Variants in PLCB1 observed in about 807,000 individuals in gnomAD.
PLCB1 encodes phospholipase C beta 1, also known as 1-phosphatidylinositol 4,5-bisphosphate phosphodiesterase beta-1.
Under a neutral mutation model 161.8 loss-of-function variants are expected in PLCB1, and 46 were observed. The observed-to-expected ratio is 0.28, with a 90% CI of 0.22 to 0.36. The LOEUF (loss-of-function observed/expected upper bound fraction) is 0.36, where lower values mean the gene tolerates loss of function less well. Among genes scored for constraint, PLCB1 ranks in the 10% least tolerant of loss-of-function variants. The pLI, the probability that PLCB1 is intolerant of heterozygous loss-of-function variation, is 1.00. For missense variants in PLCB1, 1,016 were observed against 1,472.5 expected (o/e 0.69, Z 5.07); for synonymous variants, 517 against 503.7 (o/e 1.03, Z -0.35).
At position 8,309,087 on chromosome 20, in the gene PLCB1, G is replaced by A. The variant is rs1018402550; in HGVS notation, c.178-62295G>A. ...TCAACTGTTAGCGCTGGGAGGAATA[G>A]TATTTTTCTGACCCATTTTATTTTG... On this transcript the variant is annotated intron_variant, in intron 2 of 31. Transcript: ENST00000338037. Among the ~76,000 whole-genome samples the A allele has an allele frequency of 7.2e-5, 11 of 151,910 alleles. 1 individual carries two copies. In the South Asian group the frequency reaches 1.7e-3, roughly 23 times the overall value.
intron 2 of PLCB1, among the ~76,000 whole-genome samples, chr20:8,172,180 T>C (rs2051739148): frequency 6.6e-6 from 1 of 152,184 alleles, no homozygotes; most frequent in South Asian, 2.1e-4. Flanking sequence ...TTATAGATAA[T>C]ATACAACTAC....
chr20:8,704,349 G>A (rs183858484), intron 11 of PLCB1, among the ~76,000 whole-genome samples: 130 of 144,444 alleles, frequency 9.0e-4, no homozygotes, highest in Middle Eastern at 3.5e-3. Context: ...GCAAGACTTC[G>A]TTTCAAAAAA....
At chr20:8,133,195 A>C (rs996573006) in intron 1 of PLCB1, among the ~76,000 whole-genome samples, 2 of 152,184 alleles carry the variant, frequency 1.3e-5, no homozygotes, top group African/African-American at 4.8e-5. Context: ...CCTGAAGTTC[A>C]AAACACTTTA....
At chr20:8,674,494 T>C (rs76311386) in intron 9 of PLCB1, among the ~76,000 whole-genome samples, 1 of 152,214 alleles carries the variant, frequency 6.6e-6, no homozygotes, top group Admixed American at 6.5e-5. Flanking sequence ...TTTCTGGTCT[T>C]GGTCATTGAC....
At chr20:8,856,111 A>G (rs1223455416) in intron 31 of PLCB1, among the ~76,000 whole-genome samples, 2 of 150,524 alleles carry the variant, frequency 1.3e-5, no homozygotes, top group East Asian at 1.9e-4. Flanking sequence ...CAAGGTAACA[A>G]TGAATCTGAA....
At chr20:8,797,685 C>A (rs1453284121) in intron 31 of PLCB1, among the ~76,000 whole-genome samples, 4 of 152,200 alleles carry the variant, frequency 2.6e-5, no homozygotes, top group African/African-American at 9.7e-5. Flanking sequence ...TGCAGGGAAG[C>A]TTTCCTGTGA....
Position 8,695,761 on chromosome 20 carries a change from T to C in PLCB1, c.1010-1865T>C, listed in dbSNP as rs547366229. On this transcript the variant is annotated intron_variant, in intron 10 of 31. Coordinates refer to ENST00000338037, the MANE Select transcript of PLCB1 (RefSeq NM_015192.4). ...TAGAATATAAATCAAAGAAAATATT[T>C]AATAGGGAAAACCAAAGACTTCAAT... Among the ~76,000 whole-genome samples the C allele has an allele frequency of 1.8e-4, 28 of 152,290 alleles. No homozygotes were observed. The South Asian group carries it at 3.3e-3, about 18-fold the overall frequency.
At chr20:8,583,361 C>T (rs1324380724) in intron 3 of PLCB1, among the ~76,000 whole-genome samples, 1 of 152,030 alleles carries the variant, frequency 6.6e-6, no homozygotes, top group Non-Finnish European at 1.5e-5. Flanking sequence ...TATGTTATTT[C>T]TATTTTATCG....
At chr20:8,233,381 G>A (rs4813854) in intron 2 of PLCB1, among the ~76,000 whole-genome samples, 7,619 of 152,180 alleles carry the variant, frequency 0.05, 233 homozygotes, top group South Asian at 0.08. Context: ...TTTAGTAACA[G>A]TGTACTGTGT....
chr20:8,636,156 ACTT>A (rs1568539556), intron 4 of PLCB1, among the ~76,000 whole-genome samples: 1 of 152,316 alleles, frequency 6.6e-6, no homozygotes, highest in South Asian at 2.1e-4. Flanking sequence ...ACTGTGCATG[ACTT>A]CCTTGCAGGT....
chr20:8,491,644 C>G (rs1386726928), intron 3 of PLCB1, among the ~76,000 whole-genome samples: 1 of 152,110 alleles, frequency 6.6e-6, no homozygotes, highest in Admixed American at 6.5e-5. Flanking sequence ...TCACTGGGAT[C>G]CTGTACAGAT....
At chr20:8,670,307 A>G (rs1175287202) in intron 9 of PLCB1, among the ~76,000 whole-genome samples, 2 of 152,260 alleles carry the variant, frequency 1.3e-5, no homozygotes, top group African/African-American at 2.4e-5. Flanking sequence ...AAACTCACAG[A>G]TGTGAGAATA....
chr20:8,468,296 T>C (rs1436478387), intron 3 of PLCB1, among the ~76,000 whole-genome samples: 1 of 152,176 alleles, frequency 6.6e-6, no homozygotes, highest in Non-Finnish European at 1.5e-5. Context: ...TACGTGTGCA[T>C]TTTACTATAT....
chr20:8,621,451 A>T (rs768331024), intron 3 of PLCB1, among the ~76,000 whole-genome samples: 1 of 152,220 alleles, frequency 6.6e-6, no homozygotes, highest in Non-Finnish European at 1.5e-5. Flanking sequence ...CTAGTTTTCA[A>T]ATTGCTATAG....
intron 10 of PLCB1, among the ~76,000 whole-genome samples, chr20:8,692,695 CT>C (rs1990505293): frequency 6.6e-6 from 1 of 152,102 alleles, no homozygotes; most frequent in Non-Finnish European, 1.5e-5. Context: ...TGGTTTCTGT[CT>C]TTTTGGTCTC....
At chr20:8,443,791 T>C (rs1364326624) in intron 3 of PLCB1, among the ~76,000 whole-genome samples, 1 of 152,200 alleles carries the variant, frequency 6.6e-6, no homozygotes, top group Non-Finnish European at 1.5e-5. Context: ...AGGCAACCTC[T>C]CTTTCATGGT....
At chr20:8,868,408 A>G (rs1185546237) in intron 31 of PLCB1, among the ~76,000 whole-genome samples, 1 of 152,232 alleles carries the variant, frequency 6.6e-6, no homozygotes, top group African/African-American at 2.4e-5. Flanking sequence ...ACCCCTCTTC[A>G]GCATCACTTT....
chr20:8,208,036 T>C (rs907278429), intron 2 of PLCB1, among the ~76,000 whole-genome samples: 1 of 152,176 alleles, frequency 6.6e-6, no homozygotes, highest in Non-Finnish European at 1.5e-5. Flanking sequence ...AATTGGCCTT[T>C]TGCTGGGGGT....
At chr20:8,746,146 C>A (rs1327686033) in intron 23 of PLCB1, among the ~76,000 whole-genome samples, 2 of 152,110 alleles carry the variant, frequency 1.3e-5, no homozygotes, top group Admixed American at 1.3e-4. Context: ...TGGCTAGGCT[C>A]TTCTCAAACT....
Sources: allele counts gnomAD v4.1 joint callset (sites outside exome capture counted in the v4.1 genomes callset), GRCh38; gene constraint gnomAD v4.1.1; transcripts MANE v1.5; gene names NCBI Gene and HGNC (gene_info 2026-07-23, HGNC 2026-07-21).